Variants in MED12L observed in about 807,000 individuals in gnomAD.
The protein encoded by MED12L is mediator complex subunit 12L.
In MED12L, 60 loss-of-function variants were observed where a neutral mutation model predicts 281.3. The ratio of observed to expected loss-of-function variants is 0.21; its 90% CI spans 0.17 to 0.26. MED12L has a LOEUF of 0.26. Among genes scored for constraint, MED12L ranks in the 10% least tolerant of loss-of-function variants. MED12L has a pLI of 1.00. For synonymous variants in MED12L, 974 were observed against 987.2 expected (o/e 0.99, Z 0.25); for missense variants, 2,146 against 2,680.9 (o/e 0.80, Z 4.41).
At chr3:151,270,239 GTGTT>G (rs1188754993) in intron 16 of MED12L, 11 of 156,260 alleles carry the variant, frequency 7.0e-5, no homozygotes, top group African/African-American at 2.7e-4. Context: ...GTGTGTGTGT[GTGTT>G]TTCTTTTGGG....
At chr3:151,246,247 C>A (rs1735435942) in intron 16 of MED12L, among the ~76,000 whole-genome samples, 1 of 152,296 alleles carries the variant, frequency 6.6e-6, no homozygotes, top group African/African-American at 2.4e-5. Context: ...CAATGCCTTT[C>A]TTCACAGAAT....
At position 151,401,741 on chromosome 3, in the gene MED12L, T is replaced by C. The variant is rs139318953; in HGVS notation, c.5820+6874T>C. ...TCAGAGGGTGTAATTAATATACATTTCAATGACAAAAATGAACTTAGGAGA... is the reference window on the plus strand; with the variant it reads ...TCAGAGGGTGTAATTAATATACATTCCAATGACAAAAATGAACTTAGGAGA... On this transcript the variant is annotated intron_variant, in intron 39 of 44. Coordinates refer to ENST00000687756, the MANE Select transcript of MED12L (RefSeq NM_001393769.1). Among the ~76,000 whole-genome samples the C allele has an allele frequency of 3.0e-3, 456 of 152,316 alleles. 3 individuals carry two copies. The highest frequency in any genetic ancestry group is 0.011 in the African/African-American group (444 of 41,574).
intron 2 of MED12L, among the ~76,000 whole-genome samples, chr3:151,089,317 G>A (rs1719704923): frequency 1.3e-5 from 2 of 151,884 alleles, no homozygotes. Context: ...GTTCATCTGT[G>A]TATCGAAAAC....
At chr3:151,218,635 G>A (rs369646529) in intron 16 of MED12L, among the ~76,000 whole-genome samples, 1 of 151,954 alleles carries the variant, frequency 6.6e-6, no homozygotes, top group Non-Finnish European at 1.5e-5. Context: ...TTGGGAGGCC[G>A]AGGTGGGTGG....
chr3:151,284,107 C>T (rs1177767166), intron 16 of MED12L, among the ~76,000 whole-genome samples: 1 of 152,202 alleles, frequency 6.6e-6, no homozygotes, highest in Non-Finnish European at 1.5e-5. Flanking sequence ...GTCAGATAAA[C>T]TTTCCCACAG....
At chr3:151,366,639 A>G (rs573504760) in intron 23 of MED12L, among the ~76,000 whole-genome samples, 1 of 152,218 alleles carries the variant, frequency 6.6e-6, no homozygotes, top group South Asian at 2.1e-4. Context: ...GTCGTACACT[A>G]GTATCTCTTA....
chr3:151,159,538 T>C (rs549884555), intron 7 of MED12L, among the ~76,000 whole-genome samples: 1 of 152,350 alleles, frequency 6.6e-6, no homozygotes, highest in Admixed American at 6.5e-5. Flanking sequence ...TATGGAAAAG[T>C]GTATAATAGT....
chr3:151,425,677 G>A (rs1213542499), intron 43 of MED12L: 2 of 456,612 alleles, frequency 4.4e-6, no homozygotes, highest in Admixed American at 2.3e-5. Context: ...CTGGGTATTC[G>A]GTCTTGTGGT....
intron 16 of MED12L, among the ~76,000 whole-genome samples, chr3:151,286,521 TG>T (rs1365869950): frequency 6.6e-6 from 1 of 152,214 alleles, no homozygotes; most frequent in Non-Finnish European, 1.5e-5. Context: ...GAGAGATTTT[TG>T]TTAAATAGCT....
chr3:151,205,668 C>T (rs1208491486), intron 16 of MED12L, among the ~76,000 whole-genome samples: 1 of 152,068 alleles, frequency 6.6e-6, no homozygotes, highest in Admixed American at 6.5e-5. Context: ...GAGATTCTGC[C>T]TCTTACAGAT....
At chr3:151,413,005 AG>A in intron 41 of MED12L, 133 bp from the exon 42 acceptor site, 1 of 943,494 alleles carries the variant, frequency 1.1e-6, no homozygotes, top group Non-Finnish European at 1.5e-6. Flanking sequence ...ACTGGGCTTT[AG>A]TCTATTTGAA....
chr3:151,330,352 A>G (rs1401437526), intron 16 of MED12L, among the ~76,000 whole-genome samples: 2 of 152,124 alleles, frequency 1.3e-5, no homozygotes, highest in Non-Finnish European at 2.9e-5. Context: ...TCTTTTTTGT[A>G]TTTGGTGTAT....
rs975128497 is a variant in MED12L at position 151,086,820 on chromosome 3, A to C, written c.-107A>C. On this transcript the variant is annotated 5_prime_UTR_variant, in exon 2 of 45. Coordinates refer to ENST00000687756, the MANE Select transcript of MED12L (RefSeq NM_001393769.1). ...CAGCGCCACAGCGAGCGAGCGAGCG[A>C]GGAGGGGGAGAGAGGGAGTCTGTCT... 2 of 823,624 alleles carry C rather than the reference A, an allele frequency of 2.4e-6. No individual in the cohort carries two copies. Among genetic ancestry groups the C allele is most frequent in the Non-Finnish European group, 3.8e-6 (2 of 532,762 alleles). The allele number at this position is 823,624 out of a possible 1,614,324, so 51.0% of individuals were successfully genotyped here. A position where few individuals can be genotyped will look rare whatever the true frequency, so the allele number is the denominator to read the frequency against.
chr3:151,303,902 A>AAAT (rs891604810), intron 16 of MED12L, among the ~76,000 whole-genome samples: 2 of 152,160 alleles, frequency 1.3e-5, no homozygotes, highest in Non-Finnish European at 2.9e-5. Flanking sequence ...GAGGATTACC[A>AAAT]AATAATAATA....
chr3:151,374,309 A>C (rs1284917743), intron 27 of MED12L, among the ~76,000 whole-genome samples: 1 of 152,224 alleles, frequency 6.6e-6, no homozygotes, highest in East Asian at 1.9e-4. Context: ...GCACTTTGGG[A>C]GGCTGAGGCA....
chr3:151,305,159 G>A (rs1350464646), intron 16 of MED12L, among the ~76,000 whole-genome samples: 1 of 152,202 alleles, frequency 6.6e-6, no homozygotes, highest in Non-Finnish European at 1.5e-5. Flanking sequence ...CCCAGCACTT[G>A]CAGGGTGTTG....
chr3:151,343,856 G>A (rs1752202414), intron 16 of MED12L, among the ~76,000 whole-genome samples: 1 of 152,082 alleles, frequency 6.6e-6, no homozygotes, highest in Admixed American at 6.6e-5. Context: ...TTTGGAACTG[G>A]GCAGGAGGAT....
intron 16 of MED12L, among the ~76,000 whole-genome samples, chr3:151,261,800 C>CTA (rs1274896691): frequency 6.6e-6 from 1 of 152,178 alleles, no homozygotes; most frequent in Non-Finnish European, 1.5e-5. Context: ...TCTTGGCGCA[C>CTA]TATAACCTCC....
At chr3:151,423,503 A>G (rs1022829565) in intron 43 of MED12L, among the ~76,000 whole-genome samples, 6 of 152,194 alleles carry the variant, frequency 3.9e-5, no homozygotes, top group Non-Finnish European at 7.3e-5. Context: ...CTTAATATCA[A>G]TGCCTGTGTT....
Sources: allele counts gnomAD v4.1 joint callset (sites outside exome capture counted in the v4.1 genomes callset), GRCh38; gene constraint gnomAD v4.1.1; transcripts MANE v1.5; gene names NCBI Gene and HGNC (gene_info 2026-07-23, HGNC 2026-07-21).